STAB2: variants seen among roughly 807,000 people sequenced by gnomAD.
STAB2 encodes the protein stabilin-2.
Under a neutral mutation model 338.1 loss-of-function variants are expected in STAB2, and 288 were observed. The observed-to-expected ratio is 0.85, with a 90% CI of 0.77 to 0.94. The LOEUF (loss-of-function observed/expected upper bound fraction) is 0.94. Ranked by LOEUF, STAB2 falls within the 40% of genes least tolerant of loss-of-function variation. STAB2 has a pLI of 0.00. For missense variants in STAB2, 3,141 were observed against 3,210.1 expected (o/e 0.98, Z 0.52); for synonymous variants, 1,202 against 1,193.3 (o/e 1.01, Z -0.15).
At chr12:103,608,844 A>G (rs1957075700) in intron 3 of STAB2, among the ~76,000 whole-genome samples, 1 of 152,184 alleles carries the variant, frequency 6.6e-6, no homozygotes, top group African/African-American at 2.4e-5. Flanking sequence ...TTTTTAATCC[A>G]TCTTGAATTA....
chr12:103,593,830 G>T (rs918854102), intron 2 of STAB2, among the ~76,000 whole-genome samples: 4 of 152,168 alleles, frequency 2.6e-5, no homozygotes. Context: ...CCATAGAATT[G>T]TTATTCCAGA....
At chr12:103,761,916 T>C (rs1884569467) in intron 66 of STAB2, among the ~76,000 whole-genome samples, 1 of 151,970 alleles carries the variant, frequency 6.6e-6, no homozygotes, top group Non-Finnish European at 1.5e-5. Flanking sequence ...AGGGGAGAGG[T>C]GAGCTGCTGG....
At chr12:103,610,155 G>T (rs11503459) in intron 3 of STAB2, among the ~76,000 whole-genome samples, 47,472 of 150,020 alleles carry the variant, frequency 0.32, 9,561 homozygotes, top group African/African-American at 0.58. Flanking sequence ...TATCTTTTTT[G>T]GTTGTGTCTC....
At chr12:103,753,118 G>A (rs1883808383) in intron 60 of STAB2, 102 bp from the exon 61 acceptor site, 2 of 1,463,464 alleles carry the variant, frequency 1.4e-6, no homozygotes, top group African/African-American at 1.4e-5. Flanking sequence ...GACACCCTGG[G>A]GTATAGCTGG....
At chr12:103,675,331 C>T (rs1593218756) in intron 23 of STAB2, among the ~76,000 whole-genome samples, 1 of 152,138 alleles carries the variant, frequency 6.6e-6, no homozygotes. Flanking sequence ...GAAACCAAGT[C>T]AGCTCACAGA....
chr12:103,629,047 G>T (rs1292054053), intron 5 of STAB2, among the ~76,000 whole-genome samples: 1 of 152,162 alleles, frequency 6.6e-6, no homozygotes, highest in Non-Finnish European at 1.5e-5. Context: ...CGTAAAAGAT[G>T]TGGGGAAATA....
intron 6 of STAB2, among the ~76,000 whole-genome samples, chr12:103,635,680 C>G (rs1466486564): frequency 1.3e-5 from 2 of 152,206 alleles, no homozygotes; most frequent in Non-Finnish European, 2.9e-5. Flanking sequence ...TCCCCTGAAT[C>G]CCACACAGCT....
At chr12:103,598,739 T>G (rs1035722526) in intron 3 of STAB2, among the ~76,000 whole-genome samples, 1 of 152,180 alleles carries the variant, frequency 6.6e-6, no homozygotes, top group Non-Finnish European at 1.5e-5. Flanking sequence ...TACCCCCACA[T>G]TCCTGCTACC....
chr12:103,751,774 A>T (rs1883679101), intron 60 of STAB2, among the ~76,000 whole-genome samples: 1 of 152,162 alleles, frequency 6.6e-6, no homozygotes, highest in Non-Finnish European at 1.5e-5. Context: ...CAGACCATAG[A>T]GTGTGGTCCA....
chr12:103,592,950 G>A (rs962685963), intron 2 of STAB2, among the ~76,000 whole-genome samples: 1 of 151,988 alleles, frequency 6.6e-6, no homozygotes, highest in South Asian at 2.1e-4. Flanking sequence ...ATCTCACTTA[G>A]CATGATATCC....
Position 103,674,024 on chromosome 12 carries a change from G to C in STAB2, c.2489G>C (p.Cys830Ser). Residue 830 changes from cysteine (C) to serine (S), a missense_variant, in exon 23 of 69, where the codon TGT becomes TCT. Cys to Ser is a moderately radical substitution (Grantham distance 112). Transcript: ENST00000388887. ...GRLCDKQTSA[C>S]GPYVQFCHIH... ...CTCTGTGATAAGCAGACCTCAGCCTGTGGGCCCTACGTGCAGTTCTGTCAC... is the reference window on the plus strand; with the variant it reads ...CTCTGTGATAAGCAGACCTCAGCCTCTGGGCCCTACGTGCAGTTCTGTCAC... 6.2e-7 allele frequency: 1 copy of C among 1,614,118 alleles called. No individual in the cohort carries two copies. Among genetic ancestry groups the C allele is most frequent in the Admixed American group, 1.7e-5 (1 of 60,026 alleles).
At chr12:103,703,546 T>TG (rs1039002509) in intron 35 of STAB2, among the ~76,000 whole-genome samples, 11 of 151,874 alleles carry the variant, frequency 7.2e-5, no homozygotes, top group East Asian at 5.8e-4. Context: ...GTGGGGATGG[T>TG]GGGGGGGAGT....
chr12:103,707,885 A>C (rs1179747206), intron 38 of STAB2, among the ~76,000 whole-genome samples: 1 of 152,180 alleles, frequency 6.6e-6, no homozygotes, highest in Non-Finnish European at 1.5e-5. Context: ...ATCTGCTTGC[A>C]TTTGTGCATG....
At chr12:103,684,770 CT>C (rs1877241755) in intron 26 of STAB2, among the ~76,000 whole-genome samples, 1 of 152,150 alleles carries the variant, frequency 6.6e-6, no homozygotes, top group Admixed American at 6.5e-5. Context: ...TTTGCTAAAT[CT>C]GGCAGGGATG....
intron 66 of STAB2, 127 bp from the exon 67 acceptor site, chr12:103,762,147 C>T (rs1009947644): frequency 1.5e-6 from 2 of 1,307,774 alleles, no homozygotes; most frequent in African/African-American, 3.0e-5. Context: ...TAATAAGGGC[C>T]AGATACATGT....
chr12:103,713,512 T>C lies in STAB2; in HGVS notation c.4412-131T>C, dbSNP rs1343848232. 3.0e-6 allele frequency: 4 copies of C among 1,342,868 alleles called. No individual in the cohort carries two copies. In the South Asian group the frequency reaches 5.4e-5, roughly 18 times the overall value. 83.2% of individuals were successfully genotyped at this position (1,342,868 alleles called of 1,614,324 possible). On this transcript the variant is annotated intron_variant, in intron 41 of 68. Coordinates refer to ENST00000388887, the MANE Select transcript of STAB2 (RefSeq NM_017564.10). ...TTTACTTGCTCTCTGTTTTTGGGAATTGGCCATATTTAATCCAGTGCCTGC... is the reference window on the plus strand; with the variant it reads ...TTTACTTGCTCTCTGTTTTTGGGAACTGGCCATATTTAATCCAGTGCCTGC...
chr12:103,653,365 A>C (rs1033041773), intron 12 of STAB2, among the ~76,000 whole-genome samples: 3 of 152,208 alleles, frequency 2.0e-5, no homozygotes. Flanking sequence ...TCTTTGTTAC[A>C]TAAGGCTCAC....
chr12:103,637,260 A>G (rs769601943), intron 7 of STAB2, 24 bp downstream of exon 7: 3 of 1,605,402 alleles, frequency 1.9e-6, no homozygotes, highest in Non-Finnish European at 1.7e-6. Flanking sequence ...AGATTCTGCT[A>G]GTTTATTCAT....
intron 33 of STAB2, among the ~76,000 whole-genome samples, chr12:103,697,022 A>AT (rs2138937949): frequency 6.6e-6 from 1 of 152,066 alleles, no homozygotes; most frequent in African/African-American, 2.4e-5. Context: ...GCAAATAGGG[A>AT]TTTTTCTTAT....
Sources: allele counts gnomAD v4.1 joint callset (sites outside exome capture counted in the v4.1 genomes callset), GRCh38; gene constraint gnomAD v4.1.1; transcripts MANE v1.5; gene names NCBI Gene and HGNC (gene_info 2026-07-23, HGNC 2026-07-21).